C12orf56: variants seen among roughly 807,000 people sequenced by gnomAD.
The protein encoded by C12orf56 is uncharacterized protein C12orf56.
In C12orf56, 71 loss-of-function variants were observed where a neutral mutation model predicts 69.9. The ratio of observed to expected loss-of-function variants is 1.02; its 90% CI spans 0.84 to 1.24. The LOEUF is 1.24. C12orf56 is among the 50% of genes most tolerant of loss of function. C12orf56 has a pLI of 0.00. For missense variants in C12orf56, 732 were observed against 738.5 expected (o/e 0.99, Z 0.10); for synonymous variants, 276 against 274.1 (o/e 1.01, Z -0.07).
chr12:64,348,395 G>T (rs2039176438), intron 2 of C12orf56, among the ~76,000 whole-genome samples: 1 of 152,154 alleles, frequency 6.6e-6, no homozygotes, highest in Non-Finnish European at 1.5e-5. Flanking sequence ...ATTTATAAAG[G>T]ATTGTAAAAG....
intron 1 of C12orf56, among the ~76,000 whole-genome samples, chr12:64,373,188 A>G (rs2039595667): frequency 1.3e-5 from 2 of 152,108 alleles, no homozygotes; most frequent in South Asian, 4.1e-4. Context: ...AGTTCAAAAC[A>G]TTTGTGGAAT....
intron 1 of C12orf56, among the ~76,000 whole-genome samples, chr12:64,361,144 G>A (rs952045723): frequency 3.3e-5 from 5 of 152,094 alleles, no homozygotes; most frequent in South Asian, 2.1e-4. Context: ...GCTTGAACCC[G>A]GGAGGCAGAG....
chr12:64,321,545 G>A (rs1296060112), intron 3 of C12orf56, among the ~76,000 whole-genome samples: 1 of 152,062 alleles, frequency 6.6e-6, no homozygotes, highest in Non-Finnish European at 1.5e-5. Context: ...TGTTGCCAGG[G>A]CTGGTCTCAA....
rs115877077 is a variant in C12orf56, at chr12:64,374,552, C to A, written c.252+15762G>T. 5.6e-3 allele frequency among the ~76,000 whole-genome samples: 825 copies of A among 146,034 alleles called. 11 individuals carry two copies. The highest frequency in any genetic ancestry group is 0.019 in the African/African-American group (753 of 39,714). On this transcript the variant is annotated intron_variant, in intron 1 of 12. Transcript: ENST00000543942. ...ACTTTTTTTTCCAACTTTTTTTTTT[C>A]TTTTTTTTTCCGAGATGGAGTCTCG...
intron 1 of C12orf56, among the ~76,000 whole-genome samples, chr12:64,364,925 A>C (rs145928176): frequency 3.3e-5 from 5 of 152,120 alleles, no homozygotes; most frequent in African/African-American, 1.2e-4. Context: ...AGTCAGAGAG[A>C]AGTCAGCCCA....
At chr12:64,361,515 G>C (rs2039400059) in intron 1 of C12orf56, among the ~76,000 whole-genome samples, 1 of 152,166 alleles carries the variant, frequency 6.6e-6, no homozygotes, top group Admixed American at 6.5e-5. Flanking sequence ...ATGGTGATGA[G>C]AGTGACCTCT....
At chr12:64,297,774 C>G (rs1453780397) in intron 6 of C12orf56, among the ~76,000 whole-genome samples, 1 of 152,150 alleles carries the variant, frequency 6.6e-6, no homozygotes, top group Non-Finnish European at 1.5e-5. Context: ...TTTTCTTAAT[C>G]CAGTCTATCA....
At chr12:64,348,502 C>T (rs953533285) in intron 2 of C12orf56, among the ~76,000 whole-genome samples, 1 of 152,142 alleles carries the variant, frequency 6.6e-6, no homozygotes, top group East Asian at 1.9e-4. Context: ...AGTGCTTTAA[C>T]ACTCTAACAT....
chr12:64,334,221 G>T (rs1344726378), intron 2 of C12orf56, among the ~76,000 whole-genome samples: 1 of 152,190 alleles, frequency 6.6e-6, no homozygotes, highest in Non-Finnish European at 1.5e-5. Context: ...GGGGAAGATG[G>T]TCAGGCTTCC....
chr12:64,369,860 A>G (rs1411259807), intron 1 of C12orf56, among the ~76,000 whole-genome samples: 3 of 151,598 alleles, frequency 2.0e-5, no homozygotes, highest in African/African-American at 4.8e-5. Context: ...ATGCACGCCT[A>G]TAATCCCAGC....
intron 1 of C12orf56, among the ~76,000 whole-genome samples, chr12:64,382,932 C>CA (rs2039740163): frequency 6.6e-6 from 1 of 151,730 alleles, no homozygotes; most frequent in Non-Finnish European, 1.5e-5. Context: ...CCAACTCCAT[C>CA]TGGCTTCTAA....
intron 4 of C12orf56, among the ~76,000 whole-genome samples, chr12:64,314,522 G>A (rs2136829211): frequency 6.6e-6 from 1 of 152,024 alleles, no homozygotes; most frequent in Admixed American, 6.5e-5. Context: ...ATTTATTCTG[G>A]GTCCTCAAAA....
intron 1 of C12orf56, among the ~76,000 whole-genome samples, chr12:64,367,128 T>C (rs183987734): frequency 5.9e-4 from 17 of 28,690 alleles, no homozygotes; most frequent in African/African-American, 1.6e-3. Flanking sequence ...ACACTTTATA[T>C]ATTATATATA....
In C12orf56 at chr12:64,294,365, T is replaced by C. The variant is rs577934837; in HGVS notation, c.1114-8305A>G. Among the ~76,000 whole-genome samples, 7 of 152,274 alleles carry C rather than the reference T, an allele frequency of 4.6e-5. No individual in the cohort carries two copies. In the East Asian group the frequency reaches 1.2e-3, roughly 25 times the overall value. On this transcript the variant is annotated intron_variant, in intron 6 of 12. Coordinates refer to ENST00000543942, the MANE Select transcript of C12orf56 (RefSeq NM_001170633.2). ...CCCAAAAGAATTGAAAGCACCGTCTTAAAGAGATATCTTGCATACCAATGT... is the reference window on the plus strand; with the variant it reads ...CCCAAAAGAATTGAAAGCACCGTCTCAAAGAGATATCTTGCATACCAATGT...
intron 1 of C12orf56, among the ~76,000 whole-genome samples, chr12:64,371,399 A>G (rs2039568519): frequency 1.3e-5 from 2 of 152,134 alleles, no homozygotes; most frequent in East Asian, 1.9e-4. Flanking sequence ...CCCTGTCTCA[A>G]AAAAACAAAA....
intron 1 of C12orf56, among the ~76,000 whole-genome samples, chr12:64,368,425 G>A (rs1211879665): frequency 6.6e-6 from 1 of 151,900 alleles, no homozygotes; most frequent in Non-Finnish European, 1.5e-5. Flanking sequence ...GTCCACCTAT[G>A]GAGTTTCTTA....
chr12:64,299,926 G>A (rs557947009), intron 6 of C12orf56, among the ~76,000 whole-genome samples: 6 of 152,194 alleles, frequency 3.9e-5, no homozygotes, highest in South Asian at 4.1e-4. Flanking sequence ...TAAAATTAAC[G>A]TTTTACTTTT....
rs575254744 is a variant in C12orf56, at chr12:64,324,026, G to T, written c.489-5046C>A. Among the ~76,000 whole-genome samples, 541 of 152,262 alleles carry T rather than the reference G, an allele frequency of 3.6e-3. 3 individuals carry two copies. Among genetic ancestry groups the T allele is most frequent in the African/African-American group, 0.013 (523 of 41,550 alleles). Reference sequence around the variant, plus strand: ...ACTCAGTGCCCTGCTACAAGGCAGAGCCCTCCCCGCAGAAGCTCATAAGTC... The same window carrying T: ...ACTCAGTGCCCTGCTACAAGGCAGATCCCTCCCCGCAGAAGCTCATAAGTC... On this transcript the variant is annotated intron_variant, in intron 3 of 12. Transcript: ENST00000543942.
chr12:64,286,131 C>A, intron 6 of C12orf56, 71 bp from the exon 7 acceptor site: 1 of 911,024 alleles, frequency 1.1e-6, no homozygotes, highest in Non-Finnish European at 1.7e-6. Context: ...CTCTCATGTA[C>A]TAAAAATATG....
Sources: allele counts gnomAD v4.1 joint callset (sites outside exome capture counted in the v4.1 genomes callset), GRCh38; gene constraint gnomAD v4.1.1; transcripts MANE v1.5; gene names NCBI Gene and HGNC (gene_info 2026-07-23, HGNC 2026-07-21).